APOB: variants seen among roughly 807,000 people sequenced by gnomAD.
The protein encoded by APOB is apolipoprotein B, also known as apolipoprotein B-100.
APOB carries 153 observed loss-of-function variants against 314.1 expected under a neutral mutation model. The ratio of observed to expected loss-of-function variants is 0.49; its 90% CI spans 0.43 to 0.56. APOB has a LOEUF of 0.56. Ranked by LOEUF, APOB falls within the 20% of genes least tolerant of loss-of-function variation. APOB has a pLI of 0.00. For synonymous variants in APOB, 2,087 were observed against 2,036.4 expected (o/e 1.02, Z -0.67); for missense variants, 5,430 against 5,350.7 (o/e 1.01, Z -0.46).
rs1663443937 is a variant in APOB, at chr2:21,015,494, A to G, written c.3384T>C (p.Arg1128=). ...RKIKGVISIP[R]LQAEARSEIL... Reference sequence around the variant, plus strand: ...TCTCACTTCTGGCTTCTGCTTGCAAACGGGGTATGGAAATAACACCCTTGA... The same window carrying G: ...TCTCACTTCTGGCTTCTGCTTGCAAGCGGGGTATGGAAATAACACCCTTGA... The change falls in exon 22 of 29, where the codon CGT becomes CGC. Residue 1128 remains arginine, a synonymous_variant. Transcript: ENST00000233242. The G allele has an allele frequency of 6.2e-7, 1 of 1,614,036 alleles. No homozygotes were observed. The highest frequency in any genetic ancestry group is 8.5e-7 in the Non-Finnish European group (1 of 1,180,018).
At position 21,013,487 on chromosome 2, in the gene APOB, C is replaced by T; in HGVS notation, c.3889G>A (p.Glu1297Lys). 1 of 1,614,206 alleles carries T rather than the reference C, an allele frequency of 6.2e-7. No individual in the cohort carries two copies. The highest frequency in any genetic ancestry group is 8.5e-7 in the Non-Finnish European group (1 of 1,180,032). ...TTGCCACCAAAAGGCAAAGGAATCT[C>T]AATTTTCAAACTGTTCTTGTTCAAG... ...YTLNKNSLKIEIPLPFGGKSS... is the reference protein window; with the variant it reads ...YTLNKNSLKIKIPLPFGGKSS... The change falls in exon 25 of 29, where the codon GAG (glutamate) becomes AAG (lysine). Residue 1297 changes from glutamate (E) to lysine (K), a missense_variant. Glu to Lys is a moderately conservative substitution (Grantham distance 56). Coordinates refer to ENST00000233242, the MANE Select transcript of APOB (RefSeq NM_000384.3).
rs200281802 is a variant in APOB, at chr2:21,005,954, C to A, written c.10914G>T (p.Arg3638=). ...NQKIRWKNEV[R]IHSGSFQSQV... ...GGCTCTGGAAAGACCCAGAATGAAT[C>A]CGGACTTCATTTTTCCATCTGATCT... The change falls in exon 26 of 29, where the codon CGG becomes CGT. Residue 3638 remains arginine (R), a synonymous_variant. Coordinates refer to ENST00000233242, the MANE Select transcript of APOB (RefSeq NM_000384.3). The A allele has an allele frequency of 6.2e-7, 1 of 1,613,874 alleles. No individual in the cohort carries two copies. Among genetic ancestry groups the A allele is most frequent in the Non-Finnish European group, 8.5e-7 (1 of 1,179,926 alleles).
intron 12 of APOB, 126 bp downstream of exon 12, chr2:21,029,513 A>C: frequency 9.3e-7 from 1 of 1,070,304 alleles, no homozygotes; most frequent in Non-Finnish European, 1.4e-6. Flanking sequence ...GGAAGGAAGG[A>C]AGGAAGGAAA....
At chr2:21,024,805 C>T in intron 16 of APOB, 128 bp downstream of exon 16, 1 of 968,642 alleles carries the variant, frequency 1.0e-6, no homozygotes, top group Non-Finnish European at 1.7e-6. Flanking sequence ...CAAGGCAAAC[C>T]TCCATCTCTG....
rs147825458 is a variant in APOB, at chr2:21,002,393, A to G, written c.13029T>C (p.Tyr4343=). The G allele has an allele frequency of 2.7e-5, 44 of 1,601,752 alleles. No individual in the cohort carries two copies. The highest frequency in any genetic ancestry group is 6.9e-5 in the Admixed American group (4 of 58,390). ...INTIFSDYIP[Y]VFKLLKENLC... is the part of the protein sequence containing the mutation. The stretch of plus-strand genomic sequence containing the variant: ...GGTTTTCTTTCAACAATTTAAAAAC[A>G]TATGGGATATAATCACTGAAGATTG... The change falls in exon 29 of 29, where the codon TAT becomes TAC. Residue 4343 remains tyrosine, a synonymous_variant. Transcript: ENST00000233242.
chr2:21,043,764 G>A (rs1664195943), intron 1 of APOB, 100 bp downstream of exon 1: 1 of 1,511,778 alleles, frequency 6.6e-7, no homozygotes, highest in Admixed American at 2.0e-5. Flanking sequence ...GGACCCTGTG[G>A]CTGCCCTCCC....
intron 28 of APOB, 134 bp from the exon 29 acceptor site, chr2:21,003,468 A>G (rs937197298): frequency 1.1e-5 from 9 of 809,978 alleles, no homozygotes; most frequent in African/African-American, 5.1e-5. Flanking sequence ...TTTATCTTTC[A>G]TATGTCAGTT....
At position 21,024,942 on chromosome 2, in the gene APOB, G is replaced by A. The variant is rs754690332; in HGVS notation, c.2427C>T (p.Ile809=). The change falls in exon 16 of 29, where the codon ATC becomes ATT. Residue 809 remains isoleucine (I), a synonymous_variant. Transcript: ENST00000233242. The part of the protein sequence containing the change: ...LLMGARTLQG[I]PQMIGEVIRK... ...GGGCCTGCTGACTTACCATCTGGGG[G>A]ATCCCCTGCAGAGTGCGGGCACCCA... The A allele has an allele frequency of 2.5e-6, 4 of 1,613,858 alleles. No individual in the cohort carries two copies. The highest frequency in any genetic ancestry group is 1.7e-6 in the Non-Finnish European group (2 of 1,179,996).
At chr2:21,015,978 A>T (rs1033377649) in intron 21 of APOB, among the ~76,000 whole-genome samples, 1 of 152,208 alleles carries the variant, frequency 6.6e-6, no homozygotes, top group Non-Finnish European at 1.5e-5. Flanking sequence ...CCAACTGGAC[A>T]TGCGCAGAGG....
At chr2:21,037,301 A>G (rs371636790) in intron 5 of APOB, 46 bp from the exon 6 acceptor site, 41 of 1,591,036 alleles carry the variant, frequency 2.6e-5, no homozygotes, top group Non-Finnish European at 3.3e-5. Flanking sequence ...CACGGGCAAC[A>G]TCCTTGGGTA....
In APOB at chr2:21,006,998, G is replaced by T. The variant is rs1200318466; in HGVS notation, c.9870C>A (p.Val3290=). The T allele has an allele frequency of 1.9e-6, 3 of 1,613,910 alleles. No individual in the cohort carries two copies. In the African/African-American group the frequency reaches 4.0e-5, roughly 22 times the overall value. Residue 3290 remains valine, a synonymous_variant, in exon 26 of 29, where the codon GTC becomes GTA. Coordinates refer to ENST00000233242, the MANE Select transcript of APOB (RefSeq NM_000384.3). ...MPSFSILGSD[V]RVPSYTLILP... is the part of the protein sequence containing the mutation. Reference sequence around the variant, plus strand: ...GGATTAATGTGTATGAAGGCACACGGACGTCAGAACCTAGGATGGAGAAAC... The same window carrying T: ...GGATTAATGTGTATGAAGGCACACGTACGTCAGAACCTAGGATGGAGAAAC...
At chr2:21,035,787 G>C in intron 6 of APOB, 79 bp from the exon 7 acceptor site, 3 of 1,416,588 alleles carry the variant, frequency 2.1e-6, no homozygotes, top group Non-Finnish European at 3.0e-6. Flanking sequence ...AAGGTAGAAG[G>C]GAGCAGGAGT....
rs756040945 is a variant in APOB at position 21,003,247 on chromosome 2, C to T, written c.12175G>A (p.Glu4059Lys). 2 of 1,613,998 alleles carry T rather than the reference C, an allele frequency of 1.2e-6. No homozygotes were observed. Among genetic ancestry groups the T allele is most frequent in the East Asian group, 4.5e-5 (2 of 44,868 alleles). ...DEETQIKVNW[E>K]EEAASGLLTS... The stretch of plus-strand genomic sequence containing the variant: ...AGCAAGCCAGAAGCTGCCTCTTCTT[C>T]CCAATTAACTTTGATCTGAGTTTCC... The change falls in exon 29 of 29, where the codon GAA becomes AAA. Residue 4059 changes from glutamate (E) to lysine (K), a missense_variant. Transcript: ENST00000233242.
rs1189958441 is a variant in APOB, at chr2:21,016,660, G to A, written c.3122-11C>T. 5 of 1,554,244 alleles carry A rather than the reference G, an allele frequency of 3.2e-6. No individual in the cohort carries two copies. The highest frequency in any genetic ancestry group is 4.4e-6 in the Non-Finnish European group (5 of 1,125,560). ...CAGTCTGCTTCGCACCTGGACGAGT[G>A]TATAAGAGAATCAAGAGATGTGTGG... is the stretch of plus-strand genomic sequence containing the variant. On this transcript the variant is annotated splice_polypyrimidine_tract_variant and intron_variant, in intron 20 of 28. Transcript: ENST00000233242.
In APOB at chr2:21,005,679, A is replaced by T. The variant is rs1417745803; in HGVS notation, c.11189T>A (p.Phe3730Tyr). 1.2e-6 allele frequency: 2 copies of T among 1,614,004 alleles called. No individual in the cohort carries two copies. The highest frequency in any genetic ancestry group is 3.3e-5 in the Admixed American group (2 of 60,018). ...SIPVKVLADK[F>Y]IIPGLKLNDL... ...ATTTAGTTTCAGCCCAGGAATAATGAATTTATCAGCCAAAACTTTTACAGG... is the reference window on the plus strand; with the variant it reads ...ATTTAGTTTCAGCCCAGGAATAATGTATTTATCAGCCAAAACTTTTACAGG... Residue 3730 changes from phenylalanine (F) to tyrosine (Y), a missense_variant, in exon 26 of 29, where the codon TTC becomes TAC. This residue lies in a region of APOB where 3,281 missense variants were observed against 3,171.0 expected (regional missense o/e 1.03). Transcript: ENST00000233242.
Position 21,003,465 on chromosome 2 carries a change from T to G in APOB, c.12088-131A>C, listed in dbSNP as rs1663052596. On this transcript the variant is annotated intron_variant, in intron 28 of 28. Coordinates refer to ENST00000233242, the MANE Select transcript of APOB (RefSeq NM_000384.3). Reference sequence around the variant, plus strand: ...TTCATATACTGAAAGGGATTTATCTTTCATATGTCAGTTCATGTGTTTGTT... The same window carrying G: ...TTCATATACTGAAAGGGATTTATCTGTCATATGTCAGTTCATGTGTTTGTT... The G allele has an allele frequency of 4.8e-6, 4 of 825,736 alleles. No homozygotes were observed. The East Asian group carries it at 9.8e-5, about 20-fold the overall frequency. The allele number at this position is 825,736 out of a possible 1,614,324, so 51.2% of individuals were successfully genotyped here. A position where few individuals can be genotyped will look rare whatever the true frequency, so the allele number is the denominator to read the frequency against.
chr2:21,016,189 T>A (rs568412156), intron 21 of APOB, among the ~76,000 whole-genome samples: 7 of 152,052 alleles, frequency 4.6e-5, no homozygotes, highest in African/African-American at 1.7e-4. Flanking sequence ...TTGGGAGGCT[T>A]AAGCAGGAGA....
Position 21,028,372 on chromosome 2 carries a change from G to T in APOB, c.1784C>A (p.Ser595Tyr). The change falls in exon 13 of 29, where the codon TCC becomes TAC. Residue 595 changes from serine (S) to tyrosine (Y), a missense_variant. By Grantham distance (144) the Ser-to-Tyr change is moderately radical (BLOSUM62 -2). Around this residue, in one of 3 missense-constraint regions of APOB, gnomAD observed 2,085 missense variants for 2,079.7 expected, o/e 1.00. Coordinates refer to ENST00000233242, the MANE Select transcript of APOB (RefSeq NM_000384.3). Reference sequence around the variant, plus strand: ...TGAGTTCAAGATATTGGCAATATGGGAAGCCACAAAGTTCTTCACTTGCTC... The same window carrying T: ...TGAGTTCAAGATATTGGCAATATGGTAAGCCACAAAGTTCTTCACTTGCTC... ...QNEQVKNFVA[S>Y]HIANILNSEE... The T allele has an allele frequency of 6.2e-7, 1 of 1,614,178 alleles. No individual in the cohort carries two copies. Among genetic ancestry groups the T allele is most frequent in the Non-Finnish European group, 8.5e-7 (1 of 1,180,012 alleles).
chr2:21,024,554 G>C, intron 16 of APOB: 2 of 399,638 alleles, frequency 5.0e-6, no homozygotes, highest in South Asian at 7.9e-5. Flanking sequence ...GGAAGGCAGA[G>C]TTGCAGTGAG....
Sources: allele counts gnomAD v4.1 joint callset (sites outside exome capture counted in the v4.1 genomes callset), GRCh38; gene constraint gnomAD v4.1.1; regional missense constraint gnomAD v4.1.1; transcripts MANE v1.5; gene names NCBI Gene and HGNC (gene_info 2026-07-23, HGNC 2026-07-21).